Variants in GSE1 observed in about 807,000 individuals in gnomAD.
GSE1 encodes the protein Gse1 coiled-coil protein, also known as genetic suppressor element 1.
A neutral mutation model predicts 112.6 loss-of-function variants in GSE1; 32 were observed. The observed-to-expected ratio is 0.28, with a 90% CI of 0.21 to 0.38. The LOEUF (loss-of-function observed/expected upper bound fraction) is 0.38. GSE1 is among the 10% of genes least tolerant of loss of function. The pLI, the probability that GSE1 is intolerant of heterozygous loss-of-function variation, is 1.00. For missense variants in GSE1, 2,348 were observed against 1,699.2 expected (o/e 1.38, Z -6.71); for synonymous variants, 1,115 against 735.6 (o/e 1.52, Z -8.35).
chr16:85,521,035 C>T (rs985874301), intron 2 of GSE1, among the ~76,000 whole-genome samples: 1 of 152,104 alleles, frequency 6.6e-6, no homozygotes, highest in Non-Finnish European at 1.5e-5. Flanking sequence ...CTTTGGGAGC[C>T]CAACGAGCCG....
At chr16:85,279,528 G>A (rs1048656401) in intron 1 of GSE1, among the ~76,000 whole-genome samples, 1 of 152,166 alleles carries the variant, frequency 6.6e-6, no homozygotes, top group Admixed American at 6.5e-5. Context: ...CCCAGGAGGT[G>A]GAGGTTGCAG....
rs1243658017 is a variant in GSE1 at position 85,654,365 on chromosome 16, A to G, written c.514A>G (p.Ile172Val). 1 of 1,611,588 alleles carries G rather than the reference A, an allele frequency of 6.2e-7. No individual in the cohort carries two copies. The highest frequency in any genetic ancestry group is 2.2e-5 in the East Asian group (1 of 44,880). The change falls in exon 4 of 16, where the codon ATC becomes GTC. Residue 172 changes from isoleucine to valine, a missense_variant. Coordinates refer to ENST00000253458, the MANE Select transcript of GSE1 (RefSeq NM_014615.5). Reference sequence around the variant, plus strand: ...TCAGGAGAAGGCAGGGGGACCAGCCATCCCCTCGCACCTGCTCAGCACCCC... The same window carrying G: ...TCAGGAGAAGGCAGGGGGACCAGCCGTCCCCTCGCACCTGCTCAGCACCCC... ...LPQEKAGGPAIPSHLLSTPYP... is the reference protein window; with the variant it reads ...LPQEKAGGPAVPSHLLSTPYP...
upstream of GSE1, among the ~76,000 whole-genome samples, chr16:85,553,860 T>G (rs1203257780): frequency 6.6e-6 from 1 of 152,208 alleles, no homozygotes; most frequent in Non-Finnish European, 1.5e-5. Flanking sequence ...AACTGTCATT[T>G]GAAGCCGCTG....
intron 4 of GSE1, 47 bp downstream of exon 4, chr16:85,654,497 C>T: frequency 2.0e-6 from 3 of 1,497,144 alleles, no homozygotes; most frequent in South Asian, 1.3e-5. Context: ...GGTGGGGACA[C>T]AGTGCTCAGG....
At chr16:85,663,639 G>C (rs772362524) in intron 11 of GSE1, 25 bp downstream of exon 11, 2 of 1,595,456 alleles carry the variant, frequency 1.3e-6, no homozygotes, top group African/African-American at 2.7e-5. Context: ...GGGTAGGAAG[G>C]TGGGGGCTCA....
At chr16:85,235,244 A>AC (rs1222169503) in intron 1 of GSE1, among the ~76,000 whole-genome samples, 2 of 150,632 alleles carry the variant, frequency 1.3e-5, no homozygotes, top group African/African-American at 4.9e-5. Flanking sequence ...CAAGCTCCCA[A>AC]CCCCCCGGCC....
At chr16:85,664,344 C>G (rs1401541650) in intron 11 of GSE1, among the ~76,000 whole-genome samples, 1 of 152,232 alleles carries the variant, frequency 6.6e-6, no homozygotes, top group Non-Finnish European at 1.5e-5. Context: ...GGACCTTGAG[C>G]AGCTTCAAGG....
intron 2 of GSE1, among the ~76,000 whole-genome samples, chr16:85,647,735 C>T (rs1392839354): frequency 2.6e-5 from 4 of 152,204 alleles, no homozygotes; most frequent in East Asian, 1.9e-4. Context: ...TACAGGCGCG[C>T]GCCATCACGC....
At chr16:85,485,698 C>T (rs999965183) in intron 2 of GSE1, among the ~76,000 whole-genome samples, 7 of 152,244 alleles carry the variant, frequency 4.6e-5, no homozygotes, top group East Asian at 1.9e-4. Flanking sequence ...GGCGCCGAGG[C>T]GGCCGGCTGT....
intron 1 of GSE1, among the ~76,000 whole-genome samples, chr16:85,231,974 G>T (rs781499371): frequency 6.6e-6 from 1 of 152,232 alleles, no homozygotes; most frequent in Non-Finnish European, 1.5e-5. Flanking sequence ...ATGAATGCCA[G>T]TGTTGGCTTG....
rs183557932 is a variant in GSE1 at position 85,349,193 on chromosome 16, T to C, written c.2284-8270T>C. Among the ~76,000 whole-genome samples the C allele has an allele frequency of 3.9e-4, 59 of 152,344 alleles. 1 individual carries two copies. The highest frequency in any genetic ancestry group is 3.8e-3 in the Admixed American group (58 of 15,310). The stretch of plus-strand genomic sequence containing the variant: ...CTTTAGTTGTCTGCTTATCAGGGAC[T>C]CTGCATTCGGCATCTCCAATCTCCC... On this transcript the variant is annotated intron_variant, in intron 1 of 2. Transcript: ENST00000637419.
At chr16:85,245,164 GAAACAAAACA>G (rs56058703) in intron 1 of GSE1, among the ~76,000 whole-genome samples, 1 of 151,494 alleles carries the variant, frequency 6.6e-6, no homozygotes, top group Non-Finnish European at 1.5e-5. Flanking sequence ...CCTGTCTCAA[GAAACAAAACA>G]AAACAAAACA....
At chr16:85,615,907 C>G (rs1248703783) in intron 1 of GSE1, among the ~76,000 whole-genome samples, 1 of 152,224 alleles carries the variant, frequency 6.6e-6, no homozygotes, top group African/African-American at 2.4e-5. Flanking sequence ...AAGGGGCAAA[C>G]TGAGGCTTGG....
At chr16:85,470,481 C>G (rs560684466) in intron 2 of GSE1, among the ~76,000 whole-genome samples, 1 of 152,350 alleles carries the variant, frequency 6.6e-6, no homozygotes, top group South Asian at 2.1e-4. Flanking sequence ...TCATGCCCGG[C>G]CACTGCACCT....
chr16:85,564,286 C>T (rs2045646087), intron 1 of GSE1, among the ~76,000 whole-genome samples: 1 of 152,058 alleles, frequency 6.6e-6, no homozygotes, highest in South Asian at 2.1e-4. Flanking sequence ...GAGGGAGGAA[C>T]AGAAATAGGG....
intron 1 of GSE1, among the ~76,000 whole-genome samples, chr16:85,603,574 C>T (rs561924383): frequency 1.3e-5 from 2 of 152,212 alleles, no homozygotes; most frequent in Admixed American, 6.5e-5. Context: ...GGTCATGGCT[C>T]ACTGCAGCCT....
intron 1 of GSE1, among the ~76,000 whole-genome samples, chr16:85,558,459 G>C (rs1277629090): frequency 6.6e-6 from 1 of 152,250 alleles, no homozygotes; most frequent in African/African-American, 2.4e-5. Context: ...TTCATCAGGT[G>C]ACCGATTTTC....
intron 2 of GSE1, among the ~76,000 whole-genome samples, chr16:85,507,902 C>A (rs368261315): frequency 6.6e-6 from 1 of 152,202 alleles, no homozygotes; most frequent in African/African-American, 2.4e-5. Context: ...TGCGAGCACA[C>A]GCCTCGTGTG....
chr16:85,641,809 C>T (rs1453830766), intron 2 of GSE1, among the ~76,000 whole-genome samples: 1 of 152,256 alleles, frequency 6.6e-6, no homozygotes, highest in African/African-American at 2.4e-5. Context: ...GTCCCACTTC[C>T]CTACTCACTG....
Sources: gnomAD v4.1 joint callset for allele counts (sites outside exome capture counted in the v4.1 genomes callset) on GRCh38, gnomAD v4.1.1 for gene constraint, MANE v1.5 for transcripts, NCBI Gene and HGNC (gene_info 2026-07-23, HGNC 2026-07-21) for gene names.